AUTS2: variants seen among roughly 807,000 people sequenced by gnomAD.
AUTS2 encodes the protein autism susceptibility gene 2 protein.
AUTS2 carries 17 observed loss-of-function variants against 112.4 expected under a neutral mutation model. The observed-to-expected ratio is 0.15, with a 90% CI of 0.10 to 0.23. The LOEUF (loss-of-function observed/expected upper bound fraction) is 0.23, where lower values mean the gene tolerates loss of function less well. Among genes scored for constraint, AUTS2 ranks in the 10% least tolerant of loss-of-function variants. The pLI, the probability that AUTS2 is intolerant of heterozygous loss-of-function variation, is 1.00. For missense variants in AUTS2, 1,510 were observed against 1,701.6 expected (o/e 0.89, Z 1.98); for synonymous variants, 751 against 702.7 (o/e 1.07, Z -1.09).
chr7:70,019,243 TAC>T (rs1223774734), intron 2 of AUTS2, among the ~76,000 whole-genome samples: 1 of 152,028 alleles, frequency 6.6e-6, no homozygotes, highest in Non-Finnish European at 1.5e-5. Context: ...AGGGGAACAA[TAC>T]ACACTGGGGC....
chr7:70,394,763 C>T (rs1213430391), intron 4 of AUTS2, among the ~76,000 whole-genome samples: 1 of 151,466 alleles, frequency 6.6e-6, no homozygotes, highest in Admixed American at 6.6e-5. Context: ...ATTCTAGAAC[C>T]ATAGTGTTCC....
chr7:70,336,199 TA>T (rs1562889121), intron 4 of AUTS2, among the ~76,000 whole-genome samples: 1 of 152,066 alleles, frequency 6.6e-6, no homozygotes, highest in African/African-American at 2.4e-5. Flanking sequence ...TGTTATTTGT[TA>T]AAAAAATAAA....
At chr7:69,804,252 C>T (rs2129340943) in intron 1 of AUTS2, among the ~76,000 whole-genome samples, 1 of 152,178 alleles carries the variant, frequency 6.6e-6, no homozygotes, top group African/African-American at 2.4e-5. Context: ...CCATAACACA[C>T]ATATATGGTC....
rs567748047 is a variant in AUTS2 at position 70,215,754 on chromosome 7, T to C, written c.660+81183T>C. 2.0e-4 allele frequency among the ~76,000 whole-genome samples: 30 copies of C among 152,294 alleles called. No individual in the cohort carries two copies. In the South Asian group the frequency reaches 2.9e-3, roughly 15 times the overall value. On this transcript the variant is annotated intron_variant, in intron 4 of 18. Coordinates refer to ENST00000342771, the MANE Select transcript of AUTS2 (RefSeq NM_015570.4). ...AGCAGTTGTGTAGGTGGTAGTAATT[T>C]TTCATGGTGAAGATGATGAAATACT...
intron 6 of AUTS2, among the ~76,000 whole-genome samples, chr7:70,707,680 G>T (rs1201550009): frequency 1.3e-5 from 2 of 152,196 alleles, no homozygotes; most frequent in African/African-American, 4.8e-5. Flanking sequence ...ACTTCTCCAG[G>T]ATGTCAACCA....
intron 4 of AUTS2, among the ~76,000 whole-genome samples, chr7:70,248,676 A>T (rs1813056208): frequency 6.6e-6 from 1 of 150,822 alleles, no homozygotes; most frequent in African/African-American, 2.4e-5. Context: ...GTTTCTTCTT[A>T]CTTCATTTTT....
In AUTS2 at chr7:69,876,480, T is replaced by TTG. The variant is rs71097493; in HGVS notation, c.310-22802_310-22801dup. On this transcript the variant is annotated intron_variant, in intron 1 of 18. Transcript: ENST00000342771. The stretch of plus-strand genomic sequence containing the variant: ...ACATTATATATATACATAAAATATT[T>TTG]TGTGTATATATATATATATATATAT... 9.0e-3 allele frequency among the ~76,000 whole-genome samples: 545 copies of TTG among 60,462 alleles called. 65 individuals are homozygous for TTG. Among genetic ancestry groups the TTG allele is most frequent in the Non-Finnish European group, 0.012 (407 of 33,358 alleles). The allele number at this position is 60,462 out of a possible 152,430, so 39.7% of individuals were successfully genotyped here.
chr7:70,506,400 A>G (rs1057413069), intron 5 of AUTS2, among the ~76,000 whole-genome samples: 14 of 152,226 alleles, frequency 9.2e-5, no homozygotes, highest in African/African-American at 2.9e-4. Context: ...TGAAAATTGG[A>G]AAATAAACAG....
chr7:70,734,209 G>T (rs13225763), intron 6 of AUTS2, among the ~76,000 whole-genome samples: 4,362 of 152,072 alleles, frequency 0.029, 93 homozygotes, highest in Non-Finnish European at 0.043. Flanking sequence ...GGAGGCCGAG[G>T]CGGGCGGATC....
chr7:70,740,976 T>C (rs770788658), intron 6 of AUTS2, among the ~76,000 whole-genome samples: 1 of 151,906 alleles, frequency 6.6e-6, no homozygotes, highest in Non-Finnish European at 1.5e-5. Context: ...TACCAGTAAT[T>C]CCAGCTACTT....
chr7:70,276,448 G>A (rs1009052318), intron 4 of AUTS2, among the ~76,000 whole-genome samples: 4 of 148,864 alleles, frequency 2.7e-5, no homozygotes, highest in African/African-American at 7.5e-5. Context: ...GTGTGATTTC[G>A]GCTCACTGCA....
intron 1 of AUTS2, among the ~76,000 whole-genome samples, chr7:69,759,420 GTT>G (rs895471397): frequency 2.0e-5 from 3 of 146,538 alleles, no homozygotes; most frequent in African/African-American, 8.3e-5. Context: ...TTTTGACTGT[GTT>G]TTGACTGCAG....
intron 2 of AUTS2, among the ~76,000 whole-genome samples, chr7:70,000,270 G>A (rs1189739764): frequency 6.6e-6 from 1 of 152,184 alleles, no homozygotes; most frequent in Non-Finnish European, 1.5e-5. Flanking sequence ...AATGGCAGAA[G>A]TAGTCAGAAG....
chr7:70,006,946 G>C (rs1212178706), intron 2 of AUTS2, among the ~76,000 whole-genome samples: 2 of 152,124 alleles, frequency 1.3e-5, no homozygotes, highest in African/African-American at 4.8e-5. Flanking sequence ...TCTGTACATT[G>C]AATCCAGGAT....
In AUTS2 at chr7:69,927,186, T is replaced by TTTTATATATA. The variant is rs369873035; in HGVS notation, c.522+27689_522+27690insTTATATATAT. Reference sequence around the variant, plus strand: ...TTGAATGGAAAATACTCCAATATATTTATATATATATATATATATACATAC... The same window carrying TTTTATATATA: ...TTGAATGGAAAATACTCCAATATATTTTTATATATATATATATATATATATATATACATAC... On this transcript the variant is annotated intron_variant, in intron 2 of 18. Transcript: ENST00000342771. Among the ~76,000 whole-genome samples, 7 of 142,400 alleles carry TTTTATATATA rather than the reference T, an allele frequency of 4.9e-5. No homozygotes were observed. In the South Asian group the frequency reaches 1.3e-3, roughly 27 times the overall value. 93.4% of individuals were successfully genotyped at this position (142,400 alleles called of 152,430 possible). A position where few individuals can be genotyped will look rare whatever the true frequency, so the allele number is the denominator to read the frequency against.
intron 2 of AUTS2, among the ~76,000 whole-genome samples, chr7:69,915,070 C>T (rs1435524585): frequency 6.6e-6 from 1 of 152,122 alleles, no homozygotes; most frequent in Non-Finnish European, 1.5e-5. Context: ...TAGATCCATT[C>T]TGACCCACCT....
Position 70,261,037 on chromosome 7 carries a change from G to A in AUTS2, c.660+126466G>A, listed in dbSNP as rs1158468337. On this transcript the variant is annotated intron_variant, in intron 4 of 18. Transcript: ENST00000342771. ...GCTGGGATTACAGGTGTGAGCCACC[G>A]CGCCCGGCCAACCTGTACACTTTTT... Among the ~76,000 whole-genome samples the A allele has an allele frequency of 1.1e-4, 16 of 152,192 alleles. No homozygotes were observed. The East Asian group carries it at 2.1e-3, about 20-fold the overall frequency.
At chr7:69,815,071 C>T (rs1299106162) in intron 1 of AUTS2, among the ~76,000 whole-genome samples, 1 of 152,144 alleles carries the variant, frequency 6.6e-6, no homozygotes, top group Non-Finnish European at 1.5e-5. Flanking sequence ...TACAGCTAGC[C>T]TTCTGACTTG....
At chr7:70,290,660 T>C in intron 4 of AUTS2, 1 of 1,361,588 alleles carries the variant, frequency 7.3e-7, no homozygotes. Flanking sequence ...TTTGTTTCTC[T>C]TTTCTCCATT....
Sources: gnomAD v4.1 joint callset for allele counts (sites outside exome capture counted in the v4.1 genomes callset) on GRCh38, gnomAD v4.1.1 for gene constraint, MANE v1.5 for transcripts, NCBI Gene and HGNC (gene_info 2026-07-23, HGNC 2026-07-21) for gene names.